The following ACACA variants were observed in gnomAD, a reference collection of about 807,000 sequenced individuals.
ACACA encodes the protein acetyl-CoA carboxylase alpha.
Under a neutral mutation model 296.1 loss-of-function variants are expected in ACACA, and 103 were observed. That is an observed-to-expected ratio of 0.35 (90% confidence interval 0.30 to 0.41). The LOEUF is 0.41. Among genes scored for constraint, ACACA ranks in the 10% least tolerant of loss-of-function variants. The pLI is 1.00. For synonymous variants in ACACA, 953 were observed against 1,038.6 expected, an observed-to-expected ratio of 0.92 and a Z score of 1.58; for missense variants, 1,554 against 2,989.7, an observed-to-expected ratio of 0.52 and a Z score of 11.20.
At chr17:37,269,624 GTTGT>G (rs1348769511) in intron 10 of ACACA, among the ~76,000 whole-genome samples, 8 of 152,160 alleles carry the variant, frequency 5.3e-5, no homozygotes, top group Admixed American at 2.6e-4. Context: ...GTATTGTAAA[GTTGT>G]TTGTTTGTTG....
rs1336352077 is a variant in ACACA at position 37,248,115 on chromosome 17, A to G, written c.2205T>C (p.Asn735=). Residue 735 remains asparagine (N), a synonymous_variant, in exon 18 of 56, where the codon AAT becomes AAC. Coordinates refer to ENST00000616317, the MANE Select transcript of ACACA (RefSeq NM_198834.3). ...QSPNSYVVIM[N]GSCVEVDVHR... is the part of the protein sequence containing the mutation. ...GTACATCTACTTCTACACATGAGCC[A>G]TTCATGATCACCACATAGGAGTTGG... The G allele has an allele frequency of 6.2e-7, 1 of 1,614,204 alleles. No individual in the cohort carries two copies.
intron 11 of ACACA, among the ~76,000 whole-genome samples, chr17:37,260,912 G>C (rs1165115012): frequency 6.6e-6 from 1 of 152,046 alleles, no homozygotes; most frequent in African/African-American, 2.4e-5. Flanking sequence ...GGACCTTTTT[G>C]TTATAGCAGT....
intron 9 of ACACA, among the ~76,000 whole-genome samples, chr17:37,271,406 T>C (rs1287233988): frequency 2.0e-5 from 3 of 151,974 alleles, no homozygotes; most frequent in Admixed American, 6.6e-5. Context: ...TCCCAGCTAC[T>C]TGGGAGGCTG....
chr17:37,314,164 G>A (rs2046977075), intron 3 of ACACA, among the ~76,000 whole-genome samples: 2 of 149,704 alleles, frequency 1.3e-5, no homozygotes, highest in South Asian at 4.2e-4. Flanking sequence ...GTGCAGTGGC[G>A]AAATCTTGGC....
chr17:37,384,031 C>T (rs1346031129), intron 1 of ACACA, among the ~76,000 whole-genome samples: 4 of 152,008 alleles, frequency 2.6e-5, no homozygotes, highest in African/African-American at 7.2e-5. Flanking sequence ...TTTGGGAGCC[C>T]GAGGCGGGCA....
chr17:37,235,056 T>A lies in ACACA; in HGVS notation c.3165A>T (p.Lys1055Asn). Reference sequence around the variant, plus strand: ...AGTTCAGTACAGTGTTCATGTCACTTTTATTCTCTTCTCGGAGGGCGAATA... The same window carrying A: ...AGTTCAGTACAGTGTTCATGTCACTATTATTCTCTTCTCGGAGGGCGAATA... ...KCVFALREEN[K>N]SDMNTVLNYI... is the part of the protein sequence containing the mutation. Residue 1055 changes from lysine to asparagine, a missense_variant, in exon 25 of 56, where the codon AAA (lysine) becomes AAT (asparagine). Physicochemically the swap from Lys to Asn is moderately conservative, Grantham distance 94. Transcript: ENST00000616317. 1 of 1,613,880 alleles carries A rather than the reference T, an allele frequency of 6.2e-7. No homozygotes were observed. Among genetic ancestry groups the A allele is most frequent in the South Asian group, 1.1e-5 (1 of 91,068 alleles).
intron 41 of ACACA, among the ~76,000 whole-genome samples, chr17:37,175,046 G>A (rs1016395975): frequency 2.6e-5 from 4 of 152,092 alleles, no homozygotes; most frequent in South Asian, 2.1e-4. Flanking sequence ...CCCATGTTCT[G>A]ATATGGTAAG....
At chr17:37,133,655 A>G (rs2143571340) in intron 45 of ACACA, among the ~76,000 whole-genome samples, 1 of 152,342 alleles carries the variant, frequency 6.6e-6, no homozygotes, top group Admixed American at 6.5e-5. Flanking sequence ...AGCTGCATTC[A>G]ACACTCTTTT....
intron 1 of ACACA, chr17:37,367,805 T>G (rs150429667): frequency 6.6e-6 from 1 of 152,192 alleles, no homozygotes; most frequent in African/African-American, 2.4e-5. Context: ...CAGTGGTTTA[T>G]GCTTGCAATC....
intron 1 of ACACA, chr17:37,391,893 T>C: frequency 1.6e-6 from 1 of 632,696 alleles, no homozygotes; most frequent in Non-Finnish European, 2.8e-6. Context: ...GTTACCCTCA[T>C]GCCCCTATCT....
At chr17:37,382,343 CT>C (rs956682522) in intron 1 of ACACA, among the ~76,000 whole-genome samples, 34 of 151,576 alleles carry the variant, frequency 2.2e-4, no homozygotes, top group Non-Finnish European at 8.8e-5. Flanking sequence ...CTCACCCTTT[CT>C]TTTTTTCATA....
chr17:37,340,240 C>T (rs750048549), intron 1 of ACACA, among the ~76,000 whole-genome samples: 33 of 152,176 alleles, frequency 2.2e-4, no homozygotes, highest in Non-Finnish European at 4.0e-4. Context: ...TGTTTACAAG[C>T]GGTTACACCT....
chr17:37,118,628 A>G (rs1273730290), intron 50 of ACACA, among the ~76,000 whole-genome samples: 1 of 152,188 alleles, frequency 6.6e-6, no homozygotes, highest in Admixed American at 6.5e-5. Flanking sequence ...ACATCAGCCA[A>G]CTGTGTTACA....
intron 3 of ACACA, among the ~76,000 whole-genome samples, chr17:37,289,901 G>A (rs927883826): frequency 1.3e-5 from 2 of 152,190 alleles, no homozygotes; most frequent in Non-Finnish European, 2.9e-5. Context: ...ACTGTTACAT[G>A]AGCTTAACAC....
intron 1 of ACACA, among the ~76,000 whole-genome samples, chr17:37,343,105 G>C (rs1280347097): frequency 6.6e-6 from 1 of 151,978 alleles, no homozygotes; most frequent in Non-Finnish European, 1.5e-5. Flanking sequence ...AGCCTTCCGA[G>C]TAGCTGGGAT....
At chr17:37,364,602 A>G (rs921395759) in intron 1 of ACACA, among the ~76,000 whole-genome samples, 4 of 116,736 alleles carry the variant, frequency 3.4e-5, no homozygotes, top group Non-Finnish European at 6.5e-5. Context: ...AAAAAAAAAA[A>G]AAAGAAAAAG....
chr17:37,304,650 G>C (rs2083783302), intron 3 of ACACA, among the ~76,000 whole-genome samples: 2 of 151,950 alleles, frequency 1.3e-5, no homozygotes, highest in South Asian at 4.1e-4. Flanking sequence ...AAAATTAGCT[G>C]GGCGTGGTGG....
In ACACA at chr17:37,270,700, A is replaced by G; in HGVS notation, c.1119+51T>C. 4 of 1,330,792 alleles carry G rather than the reference A, an allele frequency of 3.0e-6. No individual in the cohort carries two copies. In the South Asian group the frequency reaches 4.8e-5, roughly 16 times the overall value. 82.4% of individuals were successfully genotyped at this position (1,330,792 alleles called of 1,614,324 possible). A position where few individuals can be genotyped will look rare whatever the true frequency, so the allele number is the denominator to read the frequency against. On this transcript the variant is annotated intron_variant, in intron 10 of 55. Transcript: ENST00000616317. The stretch of plus-strand genomic sequence containing the variant: ...AATTATAGTATGAGTTAAATCATAT[A>G]TCTCTGATATACATGTTAGTTCAAA...
At chr17:37,371,696 T>A (rs142693212) in intron 1 of ACACA, among the ~76,000 whole-genome samples, 1,641 of 150,482 alleles carry the variant, frequency 0.011, 31 homozygotes, top group African/African-American at 0.038. Context: ...GGTCAGGAGT[T>A]TGAGACCAGC....
Sources: allele counts gnomAD v4.1 joint callset (sites outside exome capture counted in the v4.1 genomes callset), GRCh38; gene constraint gnomAD v4.1.1; transcripts MANE v1.5; gene names NCBI Gene and HGNC (gene_info 2026-07-23, HGNC 2026-07-21).